ESR1: variants seen among roughly 807,000 people sequenced by gnomAD.
The protein encoded by ESR1 is estrogen receptor 1.
ESR1 carries 12 observed loss-of-function variants against 52.7 expected under a neutral mutation model. The ratio of observed to expected loss-of-function variants is 0.23; its 90% confidence interval spans 0.15 to 0.37. The LOEUF (loss-of-function observed/expected upper bound fraction) is 0.37. ESR1 is among the 10% of genes least tolerant of loss of function. ESR1 has a pLI of 1.00. For missense variants in ESR1, 584 were observed against 779.7 expected, an observed-to-expected ratio of 0.75 and a Z score of 2.99; for synonymous variants, 305 against 316.8, an observed-to-expected ratio of 0.96 and a Z score of 0.39.
At chr6:151,888,767 T>A (rs911753096) in intron 3 of ESR1, among the ~76,000 whole-genome samples, 4 of 152,118 alleles carry the variant, frequency 2.6e-5, no homozygotes, top group Non-Finnish European at 5.9e-5. Context: ...GGAAGACTTT[T>A]CAAATTTTCA....
At chr6:152,021,719 C>T (rs1413711816) in intron 5 of ESR1, among the ~76,000 whole-genome samples, 5 of 152,118 alleles carry the variant, frequency 3.3e-5, no homozygotes, top group African/African-American at 1.2e-4. Context: ...TGAATTTTAG[C>T]CTCCCATACT....
intron 4 of ESR1, among the ~76,000 whole-genome samples, chr6:151,946,637 CTA>C (rs2035735643): frequency 6.6e-6 from 1 of 151,994 alleles, no homozygotes; most frequent in South Asian, 2.1e-4. Context: ...GACCAATAAA[CTA>C]TGTCTTCTTA....
chr6:151,898,988 G>A (rs1333609574), intron 3 of ESR1, among the ~76,000 whole-genome samples: 33 of 151,522 alleles, frequency 2.2e-4, no homozygotes, highest in African/African-American at 2.7e-4. Flanking sequence ...GGGCAGAGGC[G>A]CCCCTCACCT....
At chr6:151,806,557 T>TATATAC (rs1554259008), upstream of ESR1, among the ~76,000 whole-genome samples, 389 of 133,736 alleles carry the variant, frequency 2.9e-3, 10 homozygotes, top group African/African-American at 9.5e-3. Flanking sequence ...TATATATATA[T>TATATAC]ACACATATAT....
chr6:151,950,830 T>G (rs2036246087), intron 4 of ESR1, among the ~76,000 whole-genome samples: 1 of 145,926 alleles, frequency 6.9e-6, no homozygotes, highest in African/African-American at 2.5e-5. Flanking sequence ...AGCCACCTAG[T>G]TTTTGATACT....
intron 2 of ESR1, among the ~76,000 whole-genome samples, chr6:151,853,878 A>G (rs1323346898): frequency 7.9e-5 from 12 of 152,222 alleles, no homozygotes; most frequent in Admixed American, 7.9e-4. Flanking sequence ...CTCATCAACA[A>G]TTCCATTAGA....
chr6:151,715,675 AG>A (rs773490742), intron 2 of ESR1, among the ~76,000 whole-genome samples: 1 of 152,086 alleles, frequency 6.6e-6, no homozygotes. Context: ...TGTGTTTCTC[AG>A]CTCCATCAGG....
chr6:151,819,139 A>G (rs1380544533), intron 1 of ESR1, among the ~76,000 whole-genome samples: 1 of 152,142 alleles, frequency 6.6e-6, no homozygotes, highest in African/African-American at 2.4e-5. Flanking sequence ...CCCAGAAGTC[A>G]AGGTTCAGCT....
intron 3 of ESR1, among the ~76,000 whole-genome samples, chr6:151,904,319 A>C (rs977699319): frequency 2.6e-5 from 4 of 152,232 alleles, no homozygotes; most frequent in Admixed American, 6.5e-5. Context: ...TTATTGAGAT[A>C]TTTTAGTGGT....
intron 2 of ESR1, 135 bp downstream of exon 2, chr6:151,842,922 T>C: frequency 1.4e-6 from 1 of 728,808 alleles, no homozygotes; most frequent in African/African-American, 1.7e-5. Flanking sequence ...ACTAGTATCT[T>C]TGGTAGAAAC....
chr6:151,698,563 T>G (rs1779540817), intron 1 of ESR1, among the ~76,000 whole-genome samples: 1 of 152,126 alleles, frequency 6.6e-6, no homozygotes, highest in Admixed American at 6.5e-5. Context: ...AAAGCTAAAT[T>G]CTGTGATTTG....
At chr6:151,680,956 G>A (rs769290738) in intron 1 of ESR1, among the ~76,000 whole-genome samples, 1 of 152,170 alleles carries the variant, frequency 6.6e-6, no homozygotes, top group Non-Finnish European at 1.5e-5. Flanking sequence ...TTGTCTCCCA[G>A]GGGTAGACGC....
chr6:151,866,831 G>A (rs1011441576), intron 2 of ESR1, among the ~76,000 whole-genome samples: 1 of 152,058 alleles, frequency 6.6e-6, no homozygotes, highest in African/African-American at 2.4e-5. Context: ...ATAATCCTTT[G>A]GGTATATACC....
At chr6:151,926,257 A>C in intron 3 of ESR1, among the ~76,000 whole-genome samples, 1 of 152,136 alleles carries the variant, frequency 6.6e-6, no homozygotes, top group Non-Finnish European at 1.5e-5. Flanking sequence ...TAAGTCTTGA[A>C]ATGAAATAGT....
intron 3 of ESR1, among the ~76,000 whole-genome samples, chr6:151,920,444 C>G (rs549150003): frequency 6.6e-6 from 1 of 152,062 alleles, no homozygotes; most frequent in Non-Finnish European, 1.5e-5. Flanking sequence ...GTACATCTAT[C>G]ATAACTAATG....
chr6:151,972,115 A>G (rs1488031911), intron 4 of ESR1, among the ~76,000 whole-genome samples: 1 of 152,108 alleles, frequency 6.6e-6, no homozygotes, highest in Non-Finnish European at 1.5e-5. Context: ...AGAATTAGAA[A>G]CTCTAAACAG....
At chr6:151,986,191 G>A (rs560568613) in intron 4 of ESR1, among the ~76,000 whole-genome samples, 36 of 152,204 alleles carry the variant, frequency 2.4e-4, no homozygotes, top group African/African-American at 8.7e-4. Context: ...GGGGTGAGGT[G>A]TGTGAGATGA....
At chr6:151,788,639 C>A (rs117168050) in intron 2 of ESR1, among the ~76,000 whole-genome samples, 2 of 152,066 alleles carry the variant, frequency 1.3e-5, no homozygotes, top group African/African-American at 2.4e-5. Context: ...TCTATCATAA[C>A]GACACATACA....
At chr6:151,717,025 AG>A in intron 2 of ESR1, among the ~76,000 whole-genome samples, 1 of 152,286 alleles carries the variant, frequency 6.6e-6, no homozygotes, top group Non-Finnish European at 1.5e-5. Context: ...TGTGTTTCAA[AG>A]ACCATGGGAA....
Sources: gnomAD v4.1 joint callset for allele counts (sites outside exome capture counted in the v4.1 genomes callset) on GRCh38, gnomAD v4.1.1 for gene constraint, MANE v1.5 for transcripts, NCBI Gene and HGNC (gene_info 2026-07-23, HGNC 2026-07-21) for gene names.